The following NFATC2 variants were observed in gnomAD, a reference collection of about 807,000 sequenced individuals.
The protein encoded by NFATC2 is nuclear factor of activated T cells 2.
In NFATC2, 22 loss-of-function variants were observed where a neutral mutation model predicts 87.3. That is an observed-to-expected ratio of 0.25 (90% CI 0.18 to 0.36). The LOEUF (loss-of-function observed/expected upper bound fraction) is 0.36, where lower values mean the gene tolerates loss of function less well. NFATC2 is among the 10% of genes least tolerant of loss of function. NFATC2 has a pLI of 1.00. For missense variants in NFATC2, 1,149 were observed against 1,259.1 expected (o/e 0.91, Z 1.32); for synonymous variants, 565 against 542.2 (o/e 1.04, Z -0.58).
chr20:51,393,942 C>T (rs1187477356), intron 10 of NFATC2, among the ~76,000 whole-genome samples: 2 of 152,130 alleles, frequency 1.3e-5, no homozygotes, highest in African/African-American at 2.4e-5. Flanking sequence ...CAGGCAGAAG[C>T]ATGTTTCCCT....
In NFATC2 at chr20:51,391,306, G is replaced by A; in HGVS notation, c.*190C>T. 2.2e-6 allele frequency: 3 copies of A among 1,395,296 alleles called. No individual in the cohort carries two copies. The highest frequency in any genetic ancestry group is 3.1e-6 in the Non-Finnish European group (3 of 981,144). 86.4% of individuals were successfully genotyped at this position (1,395,296 alleles called of 1,614,324 possible). Reference sequence around the variant, plus strand: ...GATCCGCGTGTGGACTCCGGGCTGGGAGATGAACATGAAAGGAGACAGAAG... The same window carrying A: ...GATCCGCGTGTGGACTCCGGGCTGGAAGATGAACATGAAAGGAGACAGAAG... On this transcript the variant is annotated 3_prime_UTR_variant, in exon 11 of 11. Coordinates refer to ENST00000371564, the MANE Select transcript of NFATC2 (RefSeq NM_012340.5).
intron 3 of NFATC2, among the ~76,000 whole-genome samples, chr20:51,497,757 G>A (rs1225371986): frequency 6.6e-6 from 1 of 152,238 alleles, no homozygotes. Context: ...GGTGAGATCT[G>A]AGAGGCACGC....
intron 3 of NFATC2, 110 bp downstream of exon 3, chr20:51,516,674 G>A (rs1306288778): frequency 8.9e-7 from 1 of 1,124,626 alleles, no homozygotes; most frequent in Non-Finnish European, 1.3e-6. Context: ...AAAGGAGTAA[G>A]AGGCTGAGAC....
chr20:51,397,983 T>A (rs936785729), intron 10 of NFATC2, among the ~76,000 whole-genome samples: 2 of 152,158 alleles, frequency 1.3e-5, no homozygotes, highest in Non-Finnish European at 2.9e-5. Flanking sequence ...CGATAAGGTC[T>A]TCTTAGCGGC....
intron 3 of NFATC2, among the ~76,000 whole-genome samples, chr20:51,497,371 C>T (rs1159375240): frequency 1.3e-5 from 2 of 152,192 alleles, no homozygotes; most frequent in African/African-American, 4.8e-5. Context: ...AACGAGTCCA[C>T]GTGGATGTGT....
chr20:51,558,440 G>A (rs189559545), intron 1 of NFATC2, among the ~76,000 whole-genome samples: 4 of 151,804 alleles, frequency 2.6e-5, no homozygotes, highest in African/African-American at 7.2e-5. Context: ...ATGAGAAAAC[G>A]CATGAGAAAG....
At chr20:51,400,351 C>T (rs962685821) in intron 9 of NFATC2, among the ~76,000 whole-genome samples, 1 of 151,962 alleles carries the variant, frequency 6.6e-6, no homozygotes, top group Admixed American at 6.6e-5. Flanking sequence ...TTGGAGGAGT[C>T]GTTCGAATCT....
intron 1 of NFATC2, among the ~76,000 whole-genome samples, chr20:51,551,299 T>C (rs75168917): frequency 6.6e-6 from 1 of 152,236 alleles, no homozygotes; most frequent in Non-Finnish European, 1.5e-5. Flanking sequence ...CAAGCTATTA[T>C]AATTTTAATA....
intron 9 of NFATC2, among the ~76,000 whole-genome samples, chr20:51,408,530 A>AG (rs1978711995): frequency 6.6e-6 from 1 of 151,124 alleles, no homozygotes; most frequent in Admixed American, 6.6e-5. Flanking sequence ...AAAAAAAAAA[A>AG]AGCCAGAGCC....
At chr20:51,487,679 G>A (rs1033597258) in intron 3 of NFATC2, among the ~76,000 whole-genome samples, 4 of 152,102 alleles carry the variant, frequency 2.6e-5, no homozygotes, top group Admixed American at 2.0e-4. Context: ...CAGGACAGCC[G>A]GCCGAGCCAG....
In NFATC2 at chr20:51,391,517, C is replaced by T. The variant is rs1450801001; in HGVS notation, c.*45-66G>A. The stretch of plus-strand genomic sequence containing the variant: ...CAAGTGAGAGGGCACCGAAAACATG[C>T]ATCAGGTTCACTTTCTAGAACCTCT... On this transcript the variant is annotated intron_variant, in intron 10 of 10. Coordinates refer to ENST00000371564, the MANE Select transcript of NFATC2 (RefSeq NM_012340.5). 5.3e-6 allele frequency: 8 copies of T among 1,515,920 alleles called. No homozygotes were observed. The African/African-American group carries it at 1.1e-4, about 21-fold the overall frequency. The allele number at this position is 1,515,920 out of a possible 1,614,324, so 93.9% of individuals were successfully genotyped here.
At chr20:51,421,050 CAACAT>C (rs2146300734) in intron 9 of NFATC2, among the ~76,000 whole-genome samples, 1 of 142,312 alleles carries the variant, frequency 7.0e-6, no homozygotes, top group African/African-American at 2.6e-5. Flanking sequence ...CCAGCCTGGG[CAACAT>C]AGCAAGACCC....
chr20:51,485,594 G>A (rs534898373), intron 3 of NFATC2, among the ~76,000 whole-genome samples: 11 of 151,646 alleles, frequency 7.3e-5, no homozygotes, highest in South Asian at 2.1e-4. Context: ...TTCCTCTTGC[G>A]CAGAACCAGT....
Position 51,523,649 on chromosome 20 carries a change from G to C in NFATC2, c.592C>G (p.Pro198Ala), listed in dbSNP as rs549262558. Residue 198 changes from proline (P) to alanine (A), a missense_variant, in exon 2 of 11, where the codon CCC becomes GCC. Coordinates refer to ENST00000371564, the MANE Select transcript of NFATC2 (RefSeq NM_012340.5). This position sits in a 1 kb window ranked among gnomAD's most constrained non-coding sequence, Gnocchi z 6.9. ...TGAAACTGCGGACACAGGTCGTCGG[G>C]CCCGCCGTTATTGGGCGAGACGCAG... ...SPCVSPNNGG[P>A]DDLCPQFQNI... The C allele has an allele frequency of 2.5e-6, 4 of 1,612,770 alleles. No individual in the cohort carries two copies. The highest frequency in any genetic ancestry group is 8.5e-7 in the Non-Finnish European group (1 of 1,179,664).
chr20:51,462,012 G>T (rs1028284937), intron 5 of NFATC2, among the ~76,000 whole-genome samples: 1 of 152,146 alleles, frequency 6.6e-6, no homozygotes, highest in Admixed American at 6.5e-5. Context: ...CCAGCTACTT[G>T]GGAGGCTGAG....
intron 9 of NFATC2, among the ~76,000 whole-genome samples, chr20:51,414,257 A>G (rs1481951046): frequency 6.6e-6 from 1 of 152,136 alleles, no homozygotes; most frequent in East Asian, 1.9e-4. Context: ...AGCAAGGGAG[A>G]AAAAATAAAT....
rs1445420869 is a variant in NFATC2, at chr20:51,388,624, A to C, written c.*2872T>G. ...TTTGAGGACAGGTAAAAAGCATAAAAATACAGGTAAGAAAATAAAATTTAA... is the reference window on the plus strand; with the variant it reads ...TTTGAGGACAGGTAAAAAGCATAAACATACAGGTAAGAAAATAAAATTTAA... On this transcript the variant is annotated 3_prime_UTR_variant, in exon 11 of 11. Transcript: ENST00000371564. 6.6e-6 allele frequency: 1 copy of C among 152,252 alleles called. No homozygotes were observed. Among genetic ancestry groups the C allele is most frequent in the African/African-American group, 2.4e-5 (1 of 41,458 alleles). 9.4% of individuals were successfully genotyped at this position (152,252 alleles called of 1,614,324 possible).
chr20:51,425,993 C>T (rs1182605857), intron 9 of NFATC2, among the ~76,000 whole-genome samples: 2 of 152,160 alleles, frequency 1.3e-5, no homozygotes, highest in Non-Finnish European at 2.9e-5. Flanking sequence ...ATCCTGAGGT[C>T]CCCTGGAGGA....
chr20:51,544,488 C>G (rs1396486214), upstream of NFATC2, among the ~76,000 whole-genome samples: 1 of 152,164 alleles, frequency 6.6e-6, no homozygotes, highest in Non-Finnish European at 1.5e-5. Flanking sequence ...GGATTTGTGC[C>G]AAGCCATCCA....
Sources: allele counts gnomAD v4.1 joint callset (sites outside exome capture counted in the v4.1 genomes callset), GRCh38; gene constraint gnomAD v4.1.1; non-coding constraint Gnocchi (gnomAD v3.1); transcripts MANE v1.5; gene names NCBI Gene and HGNC (gene_info 2026-07-23, HGNC 2026-07-21).